SLC2A9: variants seen among roughly 807,000 people sequenced by gnomAD.
The protein encoded by SLC2A9 is solute carrier family 2 member 9.
A neutral mutation model predicts 50.6 loss-of-function variants in SLC2A9; 39 were observed. That is an observed-to-expected ratio of 0.77 (90% confidence interval 0.60 to 1.01). The LOEUF (loss-of-function observed/expected upper bound fraction) is 1.01, where lower values mean the gene tolerates loss of function less well. Ranked by LOEUF, SLC2A9 falls within the 50% of genes least tolerant of loss-of-function variation. The pLI is 0.00. For synonymous variants in SLC2A9, 324 were observed against 276.9 expected (o/e 1.17, Z -1.69); for missense variants, 686 against 677.6 (o/e 1.01, Z -0.14).
intron 10 of SLC2A9, among the ~76,000 whole-genome samples, chr4:9,878,864 T>C (rs1734720350): frequency 6.6e-6 from 1 of 151,974 alleles, no homozygotes; most frequent in Admixed American, 6.6e-5. Context: ...AGCTGAATTG[T>C]TGGACACCCA....
exon 2 of SLC2A9, chr4:9,771,247 T>A: frequency 2.7e-6 from 1 of 371,142 alleles, no homozygotes; most frequent in East Asian, 3.8e-5. Context: ...TCAGTGACAG[T>A]GCAGAAAAAG....
intron 3 of SLC2A9, among the ~76,000 whole-genome samples, chr4:9,787,932 C>G (rs1719436624): frequency 6.6e-6 from 1 of 152,152 alleles, no homozygotes; most frequent in African/African-American, 2.4e-5. Context: ...CTGTTTTACT[C>G]TTTATAATTA....
chr4:9,969,519 T>C (rs1204951703), intron 5 of SLC2A9, among the ~76,000 whole-genome samples: 4 of 152,332 alleles, frequency 2.6e-5, no homozygotes, highest in East Asian at 3.9e-4. Flanking sequence ...GTGGTTTTTT[T>C]CCCCCAAGAT....
intron 11 of SLC2A9, among the ~76,000 whole-genome samples, chr4:9,832,363 G>C (rs770824563): frequency 2.6e-5 from 4 of 152,164 alleles, no homozygotes; most frequent in Non-Finnish European, 5.9e-5. Flanking sequence ...CTCCTCTCCG[G>C]AAAGGAAATT....
intron 1 of SLC2A9, among the ~76,000 whole-genome samples, chr4:10,026,709 A>G (rs1203153297): frequency 6.6e-6 from 1 of 152,234 alleles, no homozygotes; most frequent in African/African-American, 2.4e-5. Flanking sequence ...GATACAGGCT[A>G]CAACATGAAT....
In SLC2A9 at chr4:9,786,076, G is replaced by A. The variant is rs554087275; in HGVS notation, n.386-6011C>T. Among the ~76,000 whole-genome samples, 36 of 152,304 alleles carry A rather than the reference G, an allele frequency of 2.4e-4. No individual in the cohort carries two copies. The South Asian group carries it at 5.4e-3, about 23-fold the overall frequency. On this transcript the variant is annotated intron_variant and non_coding_transcript_variant, in intron 3 of 3. Coordinates refer to the SLC2A9 transcript ENST00000503803. ...AAATGGGATTGTTCCTGGTGCCCTCGGAGGAGTGTGGCTGGAGGGCTATAA... is the reference window on the plus strand; with the variant it reads ...AAATGGGATTGTTCCTGGTGCCCTCAGAGGAGTGTGGCTGGAGGGCTATAA...
At chr4:9,810,411 A>G (rs1439456571) in intron 3 of SLC2A9, among the ~76,000 whole-genome samples, 1 of 152,228 alleles carries the variant, frequency 6.6e-6, no homozygotes, top group Admixed American at 6.5e-5. Context: ...AGGCATCTCC[A>G]GCCAGGCCTC....
intron 3 of SLC2A9, among the ~76,000 whole-genome samples, chr4:9,816,076 A>G (rs987194475): frequency 2.0e-5 from 3 of 152,302 alleles, no homozygotes; most frequent in Admixed American, 2.0e-4. Context: ...AGGCTGAGGC[A>G]GAAGGATCAC....
chr4:9,988,908 G>A (rs1224851555), intron 3 of SLC2A9, among the ~76,000 whole-genome samples: 2 of 152,254 alleles, frequency 1.3e-5, no homozygotes, highest in African/African-American at 4.8e-5. Flanking sequence ...TTAACTTGGT[G>A]CAGAGCACCA....
chr4:9,822,865 G>T (rs1724598475), downstream of SLC2A9, among the ~76,000 whole-genome samples: 1 of 152,138 alleles, frequency 6.6e-6, no homozygotes, highest in African/African-American at 2.4e-5. Flanking sequence ...ACTCTGGGAA[G>T]GGATCGAGGC....
rs746485772 is a variant in SLC2A9, at chr4:9,782,245, C to G, written n.386-2180G>C. On this transcript the variant is annotated intron_variant and non_coding_transcript_variant, in intron 3 of 3. Transcript: ENST00000503803. ...CCATCGTGCGGAGCCGCCACCTGCG[C>G]GCCAACATGACCAACGTCTTCATCG... 12 of 1,613,442 alleles carry G rather than the reference C, an allele frequency of 7.4e-6. No homozygotes were observed. The African/African-American group carries it at 1.2e-4, about 16-fold the overall frequency.
chr4:9,975,796 C>G (rs903440661), intron 5 of SLC2A9, among the ~76,000 whole-genome samples: 9 of 152,174 alleles, frequency 5.9e-5, no homozygotes, highest in Non-Finnish European at 8.8e-5. Context: ...GTGATGCACT[C>G]ATATGTTCAT....
intron 1 of SLC2A9, among the ~76,000 whole-genome samples, chr4:10,028,589 C>T (rs890977779): frequency 1.3e-5 from 2 of 152,210 alleles, no homozygotes; most frequent in African/African-American, 4.8e-5. Context: ...TCATACACAG[C>T]ACCTAGCAGA....
chr4:9,779,560 G>A (rs1380655347), downstream of SLC2A9, among the ~76,000 whole-genome samples: 7 of 151,698 alleles, frequency 4.6e-5, no homozygotes, highest in East Asian at 9.7e-4. Context: ...GACTACAGGC[G>A]CCCGCCACCA....
chr4:9,959,940 G>A (rs1482147202), intron 5 of SLC2A9, among the ~76,000 whole-genome samples: 1 of 152,196 alleles, frequency 6.6e-6, no homozygotes, highest in Non-Finnish European at 1.5e-5. Context: ...TTTGGTGGTA[G>A]GCAGGGAGAT....
chr4:9,939,180 G>A (rs1747672755), intron 6 of SLC2A9, among the ~76,000 whole-genome samples: 1 of 152,134 alleles, frequency 6.6e-6, no homozygotes, highest in African/African-American at 2.4e-5. Flanking sequence ...TGGGGATGAG[G>A]TGCATTGAAC....
At chr4:9,942,278 C>T (rs1427694358) in intron 5 of SLC2A9, among the ~76,000 whole-genome samples, 1 of 152,224 alleles carries the variant, frequency 6.6e-6, no homozygotes, top group Non-Finnish European at 1.5e-5. Context: ...AGATAGTGAC[C>T]TGCAAGGTAG....
intron 10 of SLC2A9, among the ~76,000 whole-genome samples, chr4:9,863,290 G>A (rs1489807673): frequency 6.6e-6 from 1 of 151,932 alleles, no homozygotes; most frequent in Admixed American, 6.6e-5. Flanking sequence ...GGGACTACAG[G>A]CATGTGCCAC....
At chr4:9,965,690 T>G (rs16891489) in intron 5 of SLC2A9, among the ~76,000 whole-genome samples, 9,660 of 152,314 alleles carry the variant, frequency 0.063, 789 homozygotes, top group East Asian at 0.46. Context: ...ATAATTAATC[T>G]GTATTCATTT....
Sources: allele counts gnomAD v4.1 joint callset (sites outside exome capture counted in the v4.1 genomes callset), GRCh38; gene constraint gnomAD v4.1.1; transcripts MANE v1.5; gene names NCBI Gene and HGNC (gene_info 2026-07-23, HGNC 2026-07-21).